Variants in FANCC observed in about 807,000 individuals in gnomAD.
FANCC encodes the protein Fanconi anemia group C protein.
Under a neutral mutation model 71.3 loss-of-function variants are expected in FANCC, and 55 were observed. The observed-to-expected ratio is 0.77, with a 90% CI of 0.62 to 0.97. FANCC has a LOEUF of 0.97. Ranked by LOEUF, FANCC falls within the 50% of genes least tolerant of loss-of-function variation. The pLI is 0.00. For synonymous variants in FANCC, 275 were observed against 244.9 expected (o/e 1.12, Z -1.15); for missense variants, 678 against 670.9 (o/e 1.01, Z -0.12).
At chr9:95,291,967 A>AAATATATATATAT (rs1441757988) in intron 1 of FANCC, among the ~76,000 whole-genome samples, 2 of 50,430 alleles carry the variant, frequency 4.0e-5, no homozygotes, top group African/African-American at 1.6e-4. Context: ...AAAAAAAAAA[A>AAATATATATATAT]ATATATATAT....
intron 3 of FANCC, 147 bp from the exon 4 acceptor site, chr9:95,240,890 A>G (rs1473213086): frequency 2.0e-5 from 13 of 638,316 alleles, no homozygotes; most frequent in Non-Finnish European, 3.1e-5. Flanking sequence ...TCTCGCCATC[A>G]TACTTTGCAC....
At chr9:95,205,332 A>G (rs1439696869) in intron 4 of FANCC, among the ~76,000 whole-genome samples, 1 of 152,032 alleles carries the variant, frequency 6.6e-6, no homozygotes. Context: ...CTTTTACTCA[A>G]TTATGTGTGC....
chr9:95,101,374 G>A lies in FANCC; in HGVS notation c.*333C>T, dbSNP rs1207342777. On this transcript the variant is annotated 3_prime_UTR_variant, in exon 15 of 15. Transcript: ENST00000289081. Reference sequence around the variant, plus strand: ...TGAATTTTTAAATAATAGATGTGCAGCTTGACTTGGGTAAAAACTAGAAAC... The same window carrying A: ...TGAATTTTTAAATAATAGATGTGCAACTTGACTTGGGTAAAAACTAGAAAC... The A allele has an allele frequency of 9.6e-6, 4 of 417,776 alleles. No individual in the cohort carries two copies. The East Asian group carries it at 1.6e-4, about 17-fold the overall frequency. The allele number at this position is 417,776 out of a possible 1,614,324, so 25.9% of individuals were successfully genotyped here.
At chr9:95,139,339 AC>A (rs1828218049) in intron 7 of FANCC, among the ~76,000 whole-genome samples, 2 of 152,204 alleles carry the variant, frequency 1.3e-5, no homozygotes, top group Admixed American at 1.3e-4. Context: ...GCAGGCAGGC[AC>A]TGGCTTCACA....
At chr9:95,268,207 G>T (rs1010015739) in intron 1 of FANCC, among the ~76,000 whole-genome samples, 1 of 152,204 alleles carries the variant, frequency 6.6e-6, no homozygotes, top group African/African-American at 2.4e-5. Flanking sequence ...CAACAGATTT[G>T]TCCTCCTTGT....
At chr9:95,150,979 C>A (rs1830137289) in intron 6 of FANCC, among the ~76,000 whole-genome samples, 1 of 152,200 alleles carries the variant, frequency 6.6e-6, no homozygotes, top group South Asian at 2.1e-4. Context: ...AATTAAAAAT[C>A]CAGCTCCTCA....
At chr9:95,230,989 G>A (rs1264413415) in intron 4 of FANCC, among the ~76,000 whole-genome samples, 1 of 152,170 alleles carries the variant, frequency 6.6e-6, no homozygotes, top group Non-Finnish European at 1.5e-5. Context: ...ACCGACTGGT[G>A]CGTTTACAAT....
intron 1 of FANCC, among the ~76,000 whole-genome samples, chr9:95,312,620 T>G (rs764012428): frequency 6.6e-5 from 10 of 152,246 alleles, no homozygotes; most frequent in Non-Finnish European, 1.3e-4. Flanking sequence ...CCTCGCAAAG[T>G]GCTGGGATTA....
In FANCC at chr9:95,100,307, G is replaced by A. The variant is rs747579960; in HGVS notation, c.*1400C>T. On this transcript the variant is annotated 3_prime_UTR_variant, in exon 15 of 15. Transcript: ENST00000289081. ...ACTTTACCAGCACACCCTTCTGACT[G>A]CAGCATTTCTCAGAAGAAAGGCTCA... 3 of 232,468 alleles carry A rather than the reference G, an allele frequency of 1.3e-5. No individual in the cohort carries two copies. The highest frequency in any genetic ancestry group is 1.7e-5 in the Non-Finnish European group (2 of 117,602). The allele number at this position is 232,468 out of a possible 1,614,324, so 14.4% of individuals were successfully genotyped here.
chr9:95,151,796 C>G (rs771919434), intron 6 of FANCC, among the ~76,000 whole-genome samples: 9 of 152,122 alleles, frequency 5.9e-5, no homozygotes, highest in Non-Finnish European at 1.2e-4. Flanking sequence ...GGTGTGGTGG[C>G]TTACGCCTGC....
intron 4 of FANCC, among the ~76,000 whole-genome samples, chr9:95,205,533 A>C (rs1743709759): frequency 6.6e-6 from 1 of 152,056 alleles, no homozygotes; most frequent in East Asian, 1.9e-4. Flanking sequence ...TTCTTTATTA[A>C]AATATCTGTG....
rs148016946 is a variant in FANCC, at chr9:95,274,072, C to T, written c.-78-24703G>A. ...TAAGTTCTGAGATACATGTGCAGAA[C>T]GTGCAGATTTGTTACACAGGTATAC... On this transcript the variant is annotated intron_variant, in intron 1 of 14. Transcript: ENST00000289081. Among the ~76,000 whole-genome samples the T allele has an allele frequency of 1.6e-3, 239 of 152,174 alleles. 2 individuals carry two copies. Among genetic ancestry groups the T allele is most frequent in the Admixed American group, 4.3e-3 (66 of 15,282 alleles).
At position 95,235,467 on chromosome 9, in the gene FANCC, A is replaced by C. The variant is rs373397604; in HGVS notation, c.345+5182T>G. On this transcript the variant is annotated intron_variant, in intron 4 of 14. Transcript: ENST00000289081. ...TAAGTTACAGGTGGATCACAGACTT[A>C]CATAGGAAAAGGAAACCAACAGGCT... Among the ~76,000 whole-genome samples, 14 of 152,346 alleles carry C rather than the reference A, an allele frequency of 9.2e-5. No individual in the cohort carries two copies. The East Asian group carries it at 2.5e-3, about 27-fold the overall frequency.
rs553963693 is a variant in FANCC, at chr9:95,196,292, A to T, written c.346-24145T>A. 5.4e-5 allele frequency among the ~76,000 whole-genome samples: 8 copies of T among 149,486 alleles called. No individual in the cohort carries two copies. In the South Asian group the frequency reaches 1.7e-3, roughly 32 times the overall value. On this transcript the variant is annotated intron_variant, in intron 4 of 14. Coordinates refer to ENST00000289081, the MANE Select transcript of FANCC (RefSeq NM_000136.3). ...TTCCCCACTATTAATTTATTGGGAG[A>T]TTTTTTTTTTAAATCATGAATAGGT...
At chr9:95,222,775 T>C (rs1215388972) in intron 4 of FANCC, among the ~76,000 whole-genome samples, 1 of 152,208 alleles carries the variant, frequency 6.6e-6, no homozygotes, top group African/African-American at 2.4e-5. Context: ...CTAACAAAGC[T>C]TTTTCATTTT....
At position 95,249,368 on chromosome 9, in the gene FANCC, A is replaced by G. The variant is rs1057521620; in HGVS notation, c.-77T>C. 1 of 1,426,954 alleles carries G rather than the reference A, an allele frequency of 7.0e-7. No homozygotes were observed. 88.4% of individuals were successfully genotyped at this position (1,426,954 alleles called of 1,614,324 possible). ...GAAGGAAATGGTCGGCACACATTAAATCTGTAAGAAAGGGAACAAATAGAA... is the reference window on the plus strand; with the variant it reads ...GAAGGAAATGGTCGGCACACATTAAGTCTGTAAGAAAGGGAACAAATAGAA... On this transcript the variant is annotated splice_region_variant and 5_prime_UTR_variant, in exon 2 of 15. Transcript: ENST00000289081.
chr9:95,147,831 G>A (rs1029569329), intron 7 of FANCC, among the ~76,000 whole-genome samples: 4 of 152,168 alleles, frequency 2.6e-5, no homozygotes, highest in African/African-American at 9.7e-5. Context: ...CTGTACTTCT[G>A]CCTTACAATA....
intron 4 of FANCC, among the ~76,000 whole-genome samples, chr9:95,223,080 A>G (rs59061676): frequency 0.011 from 1,724 of 152,348 alleles, 32 homozygotes; most frequent in African/African-American, 0.039. Flanking sequence ...CTTTGGATAA[A>G]CTATCAGTAA....
At chr9:95,138,211 C>T (rs528640588) in intron 7 of FANCC, among the ~76,000 whole-genome samples, 1 of 152,220 alleles carries the variant, frequency 6.6e-6, no homozygotes, top group East Asian at 1.9e-4. Flanking sequence ...GAAGCCAGGG[C>T]GGCTGAGGTT....
Sources: gnomAD v4.1 joint callset for allele counts (sites outside exome capture counted in the v4.1 genomes callset) on GRCh38, gnomAD v4.1.1 for gene constraint, MANE v1.5 for transcripts, NCBI Gene and HGNC (gene_info 2026-07-23, HGNC 2026-07-21) for gene names.